DPP10: variants seen among roughly 807,000 people sequenced by gnomAD.
DPP10 encodes the protein dipeptidyl peptidase like 10.
A neutral mutation model predicts 120.9 loss-of-function variants in DPP10; 33 were observed. That is an observed-to-expected ratio of 0.27 (90% CI 0.21 to 0.37). The LOEUF is 0.37. DPP10 is among the 10% of genes least tolerant of loss of function. The probability of loss-of-function intolerance (pLI) is 1.00; values close to 1 mark genes in which losing one functional copy is unlikely to be tolerated. For synonymous variants in DPP10, 337 were observed against 326.1 expected, an observed-to-expected ratio of 1.03 and a Z score of -0.36; for missense variants, 816 against 942.8, an observed-to-expected ratio of 0.87 and a Z score of 1.76.
intron 1 of DPP10, among the ~76,000 whole-genome samples, chr2:114,844,230 T>C (rs1008375341): frequency 1.3e-5 from 2 of 152,130 alleles, no homozygotes; most frequent in African/African-American, 4.8e-5. Context: ...GCAGTGCTTT[T>C]ATTCTTCACG....
chr2:115,160,676 C>T (rs949259153), intron 1 of DPP10, among the ~76,000 whole-genome samples: 2 of 152,184 alleles, frequency 1.3e-5, no homozygotes, highest in African/African-American at 4.8e-5. Flanking sequence ...TGTTTGTGGT[C>T]CACAGGCTTT....
At chr2:115,348,517 G>C (rs1485967721) in intron 3 of DPP10, among the ~76,000 whole-genome samples, 2 of 151,272 alleles carry the variant, frequency 1.3e-5, no homozygotes, top group Admixed American at 6.6e-5. Flanking sequence ...TTTTATTTTA[G>C]ATTTAGGGAG....
chr2:115,763,845 T>C (rs952799790), intron 12 of DPP10, among the ~76,000 whole-genome samples: 1 of 152,210 alleles, frequency 6.6e-6, no homozygotes, highest in Non-Finnish European at 1.5e-5. Flanking sequence ...AAGGGATTAA[T>C]TGAAAGCTTT....
At chr2:114,882,310 A>G (rs1183382335) in intron 1 of DPP10, among the ~76,000 whole-genome samples, 1 of 152,194 alleles carries the variant, frequency 6.6e-6, no homozygotes, top group Admixed American at 6.5e-5. Flanking sequence ...TATACACCAT[A>G]AAACACTACT....
At chr2:114,503,394 G>A (rs951540375) in intron 1 of DPP10, among the ~76,000 whole-genome samples, 1 of 152,090 alleles carries the variant, frequency 6.6e-6, no homozygotes, top group African/African-American at 2.4e-5. Context: ...ATATAGTTTG[G>A]GAGTTTTGAC....
At chr2:115,030,584 A>T (rs1703769991) in intron 1 of DPP10, among the ~76,000 whole-genome samples, 1 of 152,164 alleles carries the variant, frequency 6.6e-6, no homozygotes, top group Non-Finnish European at 1.5e-5. Context: ...CCGATCACCT[A>T]GGTATTAAGC....
intron 1 of DPP10, among the ~76,000 whole-genome samples, chr2:114,687,453 G>A (rs1699448014): frequency 6.6e-6 from 1 of 151,558 alleles, no homozygotes; most frequent in South Asian, 2.1e-4. Flanking sequence ...TTTTTATGTG[G>A]GTAGATCTGG....
At chr2:114,891,914 G>T (rs2106633747) in intron 1 of DPP10, among the ~76,000 whole-genome samples, 1 of 152,240 alleles carries the variant, frequency 6.6e-6, no homozygotes, top group Non-Finnish European at 1.5e-5. Flanking sequence ...TTCTTGACAG[G>T]ATGTGCCTCA....
At chr2:114,662,589 T>G in intron 1 of DPP10, among the ~76,000 whole-genome samples, 1 of 152,012 alleles carries the variant, frequency 6.6e-6, no homozygotes, top group East Asian at 1.9e-4. Flanking sequence ...GAGGGCGCCG[T>G]TCTTCCCTGA....
At chr2:115,107,313 A>G (rs1390310393) in intron 1 of DPP10, among the ~76,000 whole-genome samples, 1 of 151,922 alleles carries the variant, frequency 6.6e-6, no homozygotes, top group Non-Finnish European at 1.5e-5. Flanking sequence ...AAAATACTGA[A>G]ACTCAAGGAT....
At chr2:115,526,015 C>T in intron 5 of DPP10, 43 bp downstream of exon 5, 1 of 1,508,314 alleles carries the variant, frequency 6.6e-7, no homozygotes, top group Non-Finnish European at 9.1e-7. Context: ...CTTTGTGATG[C>T]ATTGGGGTGA....
intron 1 of DPP10, among the ~76,000 whole-genome samples, chr2:115,217,721 G>A (rs779411553): frequency 3.3e-5 from 5 of 152,154 alleles, no homozygotes; most frequent in East Asian, 1.9e-4. Flanking sequence ...ACACCATTGC[G>A]GTTGGTACTG....
At chr2:115,655,603 G>T (rs2088236186) in intron 5 of DPP10, among the ~76,000 whole-genome samples, 1 of 151,444 alleles carries the variant, frequency 6.6e-6, no homozygotes, top group African/African-American at 2.4e-5. Flanking sequence ...ATAGGGGCGT[G>T]TTATCAAATT....
At chr2:115,275,262 GT>G (rs1163455207) in intron 1 of DPP10, among the ~76,000 whole-genome samples, 1 of 152,146 alleles carries the variant, frequency 6.6e-6, no homozygotes, top group Non-Finnish European at 1.5e-5. Context: ...TCTATATTGA[GT>G]TCCCTGATTA....
chr2:115,375,161 C>G (rs2065694264), intron 3 of DPP10, among the ~76,000 whole-genome samples: 2 of 152,202 alleles, frequency 1.3e-5, no homozygotes, highest in South Asian at 4.1e-4. Context: ...CAGACCATCT[C>G]TCAGGAAGGC....
chr2:115,797,751 T>G (rs1684705011), intron 19 of DPP10, among the ~76,000 whole-genome samples: 2 of 151,958 alleles, frequency 1.3e-5, no homozygotes, highest in Non-Finnish European at 2.9e-5. Flanking sequence ...TCTTTCACAA[T>G]TTGTAGATAA....
intron 1 of DPP10, among the ~76,000 whole-genome samples, chr2:114,681,587 T>A (rs1455798117): frequency 6.6e-6 from 1 of 151,956 alleles, no homozygotes; most frequent in Non-Finnish European, 1.5e-5. Context: ...AAATGCCTCC[T>A]GTAACAAAGG....
At chr2:115,443,593 G>C (rs2072280113) in intron 3 of DPP10, among the ~76,000 whole-genome samples, 2 of 152,140 alleles carry the variant, frequency 1.3e-5, no homozygotes, top group Admixed American at 1.3e-4. Flanking sequence ...TTTTCTGAAT[G>C]TTTATATCAA....
intron 3 of DPP10, among the ~76,000 whole-genome samples, chr2:115,490,085 A>C (rs966493334): frequency 4.6e-5 from 7 of 152,228 alleles, no homozygotes; most frequent in Non-Finnish European, 1.0e-4. Context: ...AAGATATCCC[A>C]CATCTTTAGG....
Sources: gnomAD v4.1 joint callset for allele counts (sites outside exome capture counted in the v4.1 genomes callset) on GRCh38, gnomAD v4.1.1 for gene constraint, MANE v1.5 for transcripts, NCBI Gene and HGNC (gene_info 2026-07-23, HGNC 2026-07-21) for gene names.